Variants in MGAT4C observed in about 807,000 individuals in gnomAD.
MGAT4C encodes alpha-1,3-mannosyl-glycoprotein 4-beta-N-acetylglucosaminyltransferase C.
In MGAT4C, 19 loss-of-function variants were observed where a neutral mutation model predicts 40.1. That is an observed-to-expected ratio of 0.47 (90% confidence interval 0.33 to 0.70). The LOEUF (loss-of-function observed/expected upper bound fraction) is 0.70. Ranked by LOEUF, MGAT4C falls within the 30% of genes least tolerant of loss-of-function variation. The pLI, the probability that MGAT4C is intolerant of heterozygous loss-of-function variation, is 0.02. For missense variants in MGAT4C, 491 were observed against 563.2 expected (o/e 0.87, Z 1.30); for synonymous variants, 181 against 187.1 (o/e 0.97, Z 0.27).
intron 1 of MGAT4C, among the ~76,000 whole-genome samples, chr12:86,807,571 C>T (rs1034890510): frequency 3.9e-5 from 6 of 151,906 alleles, no homozygotes; most frequent in African/African-American, 9.7e-5. Flanking sequence ...TTGTGAATAG[C>T]GCTGCAATGA....
intron 3 of MGAT4C, 78 bp from the exon 4 acceptor site, chr12:85,983,748 A>T (rs886652408): frequency 1.9e-5 from 23 of 1,205,842 alleles, no homozygotes; most frequent in Non-Finnish European, 2.4e-5. Flanking sequence ...TTTTTTACAC[A>T]ATAAATGTAC....
chr12:85,980,118 T>C lies in MGAT4C; in HGVS notation c.608A>G (p.Asn203Ser), dbSNP rs968354452. The C allele has an allele frequency of 6.2e-7, 1 of 1,613,790 alleles. No homozygotes were observed. Among genetic ancestry groups the C allele is most frequent in the Non-Finnish European group, 8.5e-7 (1 of 1,179,898 alleles). The change falls in exon 5 of 5, where the codon AAT becomes AGT. Residue 203 changes from asparagine (N) to serine (S), a missense_variant. Physicochemically the swap from Asn to Ser is conservative, Grantham distance 46 (BLOSUM62 1). Transcript: ENST00000611864. ...ATTAAGCAGAAAAGCATAATCTACATTTTGCTTGGAACGAAATTTGACTCT... is the reference window on the plus strand; with the variant it reads ...ATTAAGCAGAAAAGCATAATCTACACTTTGCTTGGAACGAAATTTGACTCT... ...EDRVKFRSKQ[N>S]VDYAFLLNFC...
intron 2 of MGAT4C, among the ~76,000 whole-genome samples, chr12:86,012,086 C>T (rs1334242078): frequency 6.6e-6 from 1 of 152,122 alleles, no homozygotes. Context: ...TTTGAAAAGT[C>T]GTAACTCATA....
At chr12:86,603,778 A>T (rs1317291780) in intron 2 of MGAT4C, among the ~76,000 whole-genome samples, 4 of 56,728 alleles carry the variant, frequency 7.1e-5, no homozygotes, top group African/African-American at 9.9e-5. Context: ...AATTATATAT[A>T]CTATATAATA....
chr12:86,214,254 G>A (rs891059053), intron 1 of MGAT4C, among the ~76,000 whole-genome samples: 2 of 152,028 alleles, frequency 1.3e-5, no homozygotes, highest in African/African-American at 4.8e-5. Flanking sequence ...TGGACTATGT[G>A]GGTCATTCTC....
chr12:86,674,930 C>G (rs1381149333), intron 2 of MGAT4C, among the ~76,000 whole-genome samples: 2 of 152,112 alleles, frequency 1.3e-5, no homozygotes, highest in Non-Finnish European at 2.9e-5. Context: ...GGTCCAGGCT[C>G]TTTGCATTCT....
intron 2 of MGAT4C, among the ~76,000 whole-genome samples, chr12:85,990,622 A>G (rs2136723233): frequency 6.6e-6 from 1 of 152,234 alleles, no homozygotes; most frequent in South Asian, 2.1e-4. Context: ...GGGTCCTTAT[A>G]AATTATAGTA....
intron 1 of MGAT4C, among the ~76,000 whole-genome samples, chr12:86,084,535 T>C (rs541662159): frequency 1.0e-3 from 154 of 151,996 alleles, no homozygotes; most frequent in African/African-American, 3.5e-3. Context: ...TTTGCAACTG[T>C]TTTTTTAAAA....
chr12:86,508,949 C>T (rs1408547977), intron 2 of MGAT4C, among the ~76,000 whole-genome samples: 2 of 151,276 alleles, frequency 1.3e-5, no homozygotes, highest in Non-Finnish European at 2.9e-5. Flanking sequence ...ATTGTAGATT[C>T]TGGATATTAG....
intron 2 of MGAT4C, among the ~76,000 whole-genome samples, chr12:86,600,841 G>C (rs1182106787): frequency 2.6e-5 from 4 of 152,194 alleles, no homozygotes; most frequent in Admixed American, 1.3e-4. Flanking sequence ...CTGTACTCTC[G>C]GGGCCGGGAA....
chr12:86,438,280 G>A (rs559122404), intron 2 of MGAT4C, among the ~76,000 whole-genome samples: 2 of 151,896 alleles, frequency 1.3e-5, no homozygotes, highest in African/African-American at 4.8e-5. Context: ...CCAGAGCAAG[G>A]CCCTAATTAT....
chr12:86,792,824 G>A (rs1010000735), intron 1 of MGAT4C, among the ~76,000 whole-genome samples: 16 of 152,068 alleles, frequency 1.1e-4, no homozygotes, highest in Admixed American at 5.9e-4. Flanking sequence ...CCAACTACCC[G>A]GGAGGCTGAG....
intron 2 of MGAT4C, among the ~76,000 whole-genome samples, chr12:86,523,679 G>T (rs888818886): frequency 6.6e-6 from 1 of 152,114 alleles, no homozygotes; most frequent in Non-Finnish European, 1.5e-5. Context: ...AATTCTGTCA[G>T]TGGGGTTGTA....
intron 2 of MGAT4C, among the ~76,000 whole-genome samples, chr12:86,524,027 G>A (rs971215084): frequency 1.3e-5 from 2 of 152,022 alleles, no homozygotes; most frequent in African/African-American, 4.8e-5. Flanking sequence ...AGAGATCTTG[G>A]TTCTTTATCC....
At chr12:86,281,073 T>C (rs1000071306) in intron 4 of MGAT4C, among the ~76,000 whole-genome samples, 8 of 152,062 alleles carry the variant, frequency 5.3e-5, no homozygotes, top group African/African-American at 1.7e-4. Context: ...TTTTCTATTA[T>C]CCTATCTTCT....
At chr12:86,220,200 A>G (rs1950827868) in intron 1 of MGAT4C, among the ~76,000 whole-genome samples, 1 of 152,118 alleles carries the variant, frequency 6.6e-6, no homozygotes, top group Non-Finnish European at 1.5e-5. Context: ...GTTTCTCCTC[A>G]GAAGAAGATG....
chr12:86,617,041 C>A (rs1962473947), intron 2 of MGAT4C, among the ~76,000 whole-genome samples: 1 of 152,056 alleles, frequency 6.6e-6, no homozygotes, highest in Non-Finnish European at 1.5e-5. Context: ...GATTACATAA[C>A]TACAGCAATG....
intron 1 of MGAT4C, among the ~76,000 whole-genome samples, chr12:86,227,170 C>T (rs1233519322): frequency 1.3e-5 from 2 of 151,820 alleles, no homozygotes; most frequent in Non-Finnish European, 2.9e-5. Flanking sequence ...CTTTACTTGG[C>T]ATCAAAGATG....
At chr12:86,285,849 C>T (rs1271720691) in intron 4 of MGAT4C, among the ~76,000 whole-genome samples, 1 of 151,710 alleles carries the variant, frequency 6.6e-6, no homozygotes, top group Non-Finnish European at 1.5e-5. Flanking sequence ...AAATATTATG[C>T]ATATATTTCA....
Sources: gnomAD v4.1 joint callset for allele counts (sites outside exome capture counted in the v4.1 genomes callset) on GRCh38, gnomAD v4.1.1 for gene constraint, MANE v1.5 for transcripts, NCBI Gene and HGNC (gene_info 2026-07-23, HGNC 2026-07-21) for gene names.